KIF13A: variants seen among roughly 807,000 people sequenced by gnomAD.
The protein encoded by KIF13A is kinesin family member 13A.
In KIF13A, 79 loss-of-function variants were observed where a neutral mutation model predicts 212.2. The ratio of observed to expected loss-of-function variants is 0.37; its 90% confidence interval spans 0.31 to 0.45. The LOEUF (loss-of-function observed/expected upper bound fraction) is 0.45. KIF13A is among the 20% of genes least tolerant of loss of function. The probability of loss-of-function intolerance (pLI) is 1.00; values close to 1 mark genes in which losing one functional copy is unlikely to be tolerated. For missense variants in KIF13A, 1,901 were observed against 2,209.0 expected, an observed-to-expected ratio of 0.86 and a Z score of 2.79; for synonymous variants, 789 against 808.6, an observed-to-expected ratio of 0.98 and a Z score of 0.41.
At chr6:17,868,989 C>CAAAAAAAAAAAAAAAAAAAAAAA (rs71002278) in intron 4 of KIF13A, among the ~76,000 whole-genome samples, 3 of 20,920 alleles carry the variant, frequency 1.4e-4, no homozygotes, top group East Asian at 1.8e-3. Flanking sequence ...GACTCCCTCT[C>CAAAAAAAAAAAAAAAAAAAAAAA]AAAAAAAAAA....
At position 17,764,706 on chromosome 6, in the gene KIF13A, T is replaced by C. The variant is rs1758789485; in HGVS notation, c.4822A>G (p.Thr1608Ala). The change falls in exon 39 of 39, where the codon ACC (threonine) becomes GCC (alanine). Residue 1608 changes from threonine (T) to alanine (A), a missense_variant. Transcript: ENST00000259711. This position sits in a 1 kb window ranked among gnomAD's most constrained non-coding sequence, Gnocchi z 5.1. ...GYFSHSASNA[T>A]LSDMVVPSSD... The stretch of plus-strand genomic sequence containing the variant: ...GAAGGGACCACCATGTCAGACAGGG[T>C]GGCATTGGAGGCACTGTGGGAAAAG... 1 of 1,613,410 alleles carries C rather than the reference T, an allele frequency of 6.2e-7. No individual in the cohort carries two copies. Among genetic ancestry groups the C allele is most frequent in the Non-Finnish European group, 8.5e-7 (1 of 1,179,644 alleles).
At chr6:17,952,928 CAA>C (rs34028292) in intron 2 of KIF13A, among the ~76,000 whole-genome samples, 156 of 141,250 alleles carry the variant, frequency 1.1e-3, no homozygotes, top group Admixed American at 1.2e-3. Flanking sequence ...AGACTGTCTC[CAA>C]AAAAAAAAAA....
At chr6:17,824,759 T>G (rs1253281172) in intron 16 of KIF13A, among the ~76,000 whole-genome samples, 1 of 46,634 alleles carries the variant, frequency 2.1e-5, no homozygotes, top group African/African-American at 1.0e-4. Flanking sequence ...AGACTCCGTC[T>G]CAAAAAAAAA....
chr6:17,844,462 G>A (rs567172063), intron 9 of KIF13A, among the ~76,000 whole-genome samples: 1 of 152,276 alleles, frequency 6.6e-6, no homozygotes, highest in South Asian at 2.1e-4. Flanking sequence ...TAAGTTTAGG[G>A]AACAACAAGC....
intron 3 of KIF13A, among the ~76,000 whole-genome samples, chr6:17,894,790 A>G (rs528027185): frequency 6.6e-6 from 1 of 152,326 alleles, no homozygotes; most frequent in South Asian, 2.1e-4. Flanking sequence ...ATCACACAGT[A>G]CAGTTTCCCC....
At chr6:17,824,961 C>G (rs541793598) in intron 16 of KIF13A, among the ~76,000 whole-genome samples, 21 of 152,190 alleles carry the variant, frequency 1.4e-4, no homozygotes, top group Non-Finnish European at 2.1e-4. Context: ...TACCCCTAAA[C>G]AGCCTCAGTT....
chr6:17,923,028 T>A (rs1039099316), intron 2 of KIF13A, among the ~76,000 whole-genome samples: 5 of 151,882 alleles, frequency 3.3e-5, no homozygotes, highest in African/African-American at 1.2e-4. Context: ...TCACAGCACT[T>A]TGGGAGGCTG....
intron 9 of KIF13A, among the ~76,000 whole-genome samples, chr6:17,847,112 G>A (rs1261442417): frequency 1.3e-5 from 2 of 151,378 alleles, no homozygotes; most frequent in African/African-American, 2.4e-5. Context: ...CCACATCTAC[G>A]CCAGTCATAC....
Position 17,872,412 on chromosome 6 carries a change from C to G in KIF13A, c.220+965G>C, listed in dbSNP as rs544155066. On this transcript the variant is annotated intron_variant, in intron 4 of 38. Transcript: ENST00000259711. This position sits in a 1 kb window ranked among gnomAD's most constrained non-coding sequence, Gnocchi z 4.7. ...AAACACTCAGTAGGAAGAAATAGTT[C>G]ACGAGCTCTATTGTACAACACGGTG... Among the ~76,000 whole-genome samples the G allele has an allele frequency of 6.6e-6, 1 of 152,036 alleles. No individual in the cohort carries two copies. Among genetic ancestry groups the G allele is most frequent in the Non-Finnish European group, 1.5e-5 (1 of 68,012 alleles).
chr6:17,892,432 A>G lies in KIF13A; in HGVS notation c.159+5736T>C, dbSNP rs1404566427. 2.0e-5 allele frequency among the ~76,000 whole-genome samples: 3 copies of G among 152,312 alleles called. No homozygotes were observed. The highest frequency in any genetic ancestry group is 1.5e-5 in the Non-Finnish European group (1 of 68,024). ...TTTGTTCAAAACAGGCAATAGAGACACTGAAGGTATCAAGGTCCAACCCTG... is the reference window on the plus strand; with the variant it reads ...TTTGTTCAAAACAGGCAATAGAGACGCTGAAGGTATCAAGGTCCAACCCTG... On this transcript the variant is annotated intron_variant, in intron 3 of 38. Transcript: ENST00000259711. The surrounding 1 kb of genome is among the most constrained non-coding windows in gnomAD (Gnocchi z 4.7).
chr6:17,840,423 T>C (rs1485978387), intron 9 of KIF13A, among the ~76,000 whole-genome samples: 1 of 152,214 alleles, frequency 6.6e-6, no homozygotes, highest in African/African-American at 2.4e-5. Context: ...ATATTTTTGA[T>C]TGGAAACAAT....
rs1379275444 is a variant in KIF13A, at chr6:17,783,337, C to T, written c.3544+309G>A. Among the ~76,000 whole-genome samples, 1 of 152,224 alleles carries T rather than the reference C, an allele frequency of 6.6e-6. No individual in the cohort carries two copies. The highest frequency in any genetic ancestry group is 1.5e-5 in the Non-Finnish European group (1 of 68,046). Reference sequence around the variant, plus strand: ...AGGGCACTAGTCAGAGATGCAGATTCATAGGCCCTTGCCAAGCCTAAAGAC... The same window carrying T: ...AGGGCACTAGTCAGAGATGCAGATTTATAGGCCCTTGCCAAGCCTAAAGAC... On this transcript the variant is annotated intron_variant, in intron 29 of 38. Coordinates refer to ENST00000259711, the MANE Select transcript of KIF13A (RefSeq NM_022113.6). This position sits in a 1 kb window ranked among gnomAD's most constrained non-coding sequence, Gnocchi z 4.3.
Position 17,773,587 on chromosome 6 carries a change from C to T in KIF13A, c.4219-4G>A. On this transcript the variant is annotated splice_polypyrimidine_tract_variant and splice_region_variant and intron_variant, in intron 35 of 38. Transcript: ENST00000259711. The surrounding 1 kb of genome is among the most constrained non-coding windows in gnomAD (Gnocchi z 4.2). ...CCAACTGGTTCTCTGGCCAACCCTA[C>T]AAGGTAAAAATATGGGTTAACTGTA... 6.3e-7 allele frequency: 1 copy of T among 1,575,314 alleles called. No homozygotes were observed. The highest frequency in any genetic ancestry group is 8.7e-7 in the Non-Finnish European group (1 of 1,147,110).
rs201527270 is a variant in KIF13A at position 17,799,999 on chromosome 6, C to T, written c.2569G>A (p.Asp857Asn). ...CGGTGAATGATTTCCCCGCTGCTGT[C>T]TACGACTTCAAGGCTCCCACTTTCA... ...SSESGSLEVVDSSGEIIHRVK... is the reference protein window; with the variant it reads ...SSESGSLEVVNSSGEIIHRVK... Residue 857 changes from aspartate to asparagine, a missense_variant, in exon 21 of 39, where the codon GAC (aspartate) becomes AAC (asparagine). Physicochemically the swap from Asp to Asn is conservative, Grantham distance 23. Around this residue, in one of 5 missense-constraint regions of KIF13A, gnomAD observed 534 missense variants for 536.9 expected, o/e 0.99. Transcript: ENST00000259711. The surrounding 1 kb of genome is among the most constrained non-coding windows in gnomAD (Gnocchi z 4.4). 175 of 1,613,902 alleles carry T rather than the reference C, an allele frequency of 1.1e-4. No homozygotes were observed. Among genetic ancestry groups the T allele is most frequent in the Non-Finnish European group, 1.4e-4 (165 of 1,179,910 alleles).
At chr6:17,866,470 A>G (rs1415164714) in intron 4 of KIF13A, among the ~76,000 whole-genome samples, 1 of 152,062 alleles carries the variant, frequency 6.6e-6, no homozygotes, top group African/African-American at 2.4e-5. Context: ...CATGTCATTA[A>G]CTAACATCCA....
At chr6:17,842,000 CGTGTGTGTGTGT>C (rs56396263) in intron 9 of KIF13A, among the ~76,000 whole-genome samples, 20 of 143,824 alleles carry the variant, frequency 1.4e-4, no homozygotes, top group East Asian at 4.2e-4. Context: ...TATACACATA[CGTGTGTGTGTGT>C]GTGTGTGTGT....
Position 17,833,834 on chromosome 6 carries a change from C to T in KIF13A, c.1266+127G>A, listed in dbSNP as rs1431341385. On this transcript the variant is annotated intron_variant, in intron 12 of 38. Coordinates refer to ENST00000259711, the MANE Select transcript of KIF13A (RefSeq NM_022113.6). Reference sequence around the variant, plus strand: ...TCACGCCACTGCACCCCAGCCTGGGCGACAGAGTGAGACTCCGTCTCAAAA... The same window carrying T: ...TCACGCCACTGCACCCCAGCCTGGGTGACAGAGTGAGACTCCGTCTCAAAA... The T allele has an allele frequency of 2.4e-5, 12 of 490,804 alleles. 1 individual carries two copies. The highest frequency in any genetic ancestry group is 1.2e-4 in the African/African-American group (5 of 41,802). The allele number at this position is 490,804 out of a possible 1,614,324, so 30.4% of individuals were successfully genotyped here. A position where few individuals can be genotyped will look rare whatever the true frequency, so the allele number is the denominator to read the frequency against.
chr6:17,834,932 C>A lies in KIF13A; in HGVS notation c.1156-861G>T, dbSNP rs563873107. On this transcript the variant is annotated intron_variant, in intron 11 of 38. Coordinates refer to ENST00000259711, the MANE Select transcript of KIF13A (RefSeq NM_022113.6). This position sits in a 1 kb window ranked among gnomAD's most constrained non-coding sequence, Gnocchi z 4.0. ...TTATAGGCCAGGCCAATGGCTCCTG[C>A]CTGTAACCCCAACAGTTTGGGAGGC... Among the ~76,000 whole-genome samples the A allele has an allele frequency of 6.6e-6, 1 of 152,100 alleles. No homozygotes were observed. Among genetic ancestry groups the A allele is most frequent in the South Asian group, 2.1e-4 (1 of 4,812 alleles).
In KIF13A at chr6:17,981,612, T is replaced by C. The variant is rs140239851; in HGVS notation, c.146+5442A>G. On this transcript the variant is annotated intron_variant, in intron 2 of 38. Transcript: ENST00000259711. ...CTAATTTTTTGTATTTTAGTAGATA[T>C]GGGGTTTCACAATGTTGGCCAGGAT... Among the ~76,000 whole-genome samples, 1,012 of 151,916 alleles carry C rather than the reference T, an allele frequency of 6.7e-3. 6 individuals carry two copies. The highest frequency in any genetic ancestry group is 0.01 in the Middle Eastern group (3 of 294).
Sources: allele counts gnomAD v4.1 joint callset (sites outside exome capture counted in the v4.1 genomes callset), GRCh38; gene constraint gnomAD v4.1.1; regional missense constraint gnomAD v4.1.1; non-coding constraint Gnocchi (gnomAD v3.1); transcripts MANE v1.5; gene names NCBI Gene and HGNC (gene_info 2026-07-23, HGNC 2026-07-21).